Variants in RANBP2 observed in about 807,000 individuals in gnomAD.
The protein encoded by RANBP2 is RAN binding protein 2.
In RANBP2, 57 loss-of-function variants were observed where a neutral mutation model predicts 303.6. The ratio of observed to expected loss-of-function variants is 0.19; its 90% CI spans 0.15 to 0.23. The LOEUF (loss-of-function observed/expected upper bound fraction) is 0.23. Ranked by LOEUF, RANBP2 falls within the 10% of genes least tolerant of loss-of-function variation. The pLI is 1.00. For missense variants in RANBP2, 3,138 were observed against 3,780.8 expected (o/e 0.83, Z 4.46); for synonymous variants, 1,167 against 1,301.5 (o/e 0.90, Z 2.23).
the RANBP2 span, among the ~76,000 whole-genome samples, chr2:109,630,010 G>A: frequency 1.3e-5 from 2 of 151,838 alleles, no homozygotes; most frequent in Non-Finnish European, 2.9e-5. Context: ...AATACAACAC[G>A]CCCACACATA....
At chr2:108,881,002 C>A in the RANBP2 span, among the ~76,000 whole-genome samples, 1 of 152,156 alleles carries the variant, frequency 6.6e-6, no homozygotes, top group African/African-American at 2.4e-5. Context: ...TTCCAATACT[C>A]ACGAATGACT....
At chr2:109,702,124 G>C in the RANBP2 span, among the ~76,000 whole-genome samples, 1 of 152,250 alleles carries the variant, frequency 6.6e-6, no homozygotes, top group South Asian at 2.1e-4. Context: ...GATGTGGCAA[G>C]CTGGCCACCC....
chr2:109,626,687 G>T, the RANBP2 span, among the ~76,000 whole-genome samples: 1 of 152,142 alleles, frequency 6.6e-6, no homozygotes, highest in African/African-American at 2.4e-5. Flanking sequence ...TCCAGAAGCT[G>T]GTACATTTCT....
chr2:109,177,534 G>C, the RANBP2 span, among the ~76,000 whole-genome samples: 2 of 151,980 alleles, frequency 1.3e-5, no homozygotes, highest in Non-Finnish European at 2.9e-5. Flanking sequence ...TGGGGAGTGT[G>C]ACTGTCACCT....
At chr2:108,890,720 A>C in the RANBP2 span, among the ~76,000 whole-genome samples, 2 of 152,204 alleles carry the variant, frequency 1.3e-5, no homozygotes, top group African/African-American at 4.8e-5. Context: ...CTCTAGACTT[A>C]GGAAGTTTTC....
At chr2:108,840,364 G>C in the RANBP2 span, among the ~76,000 whole-genome samples, 1 of 152,110 alleles carries the variant, frequency 6.6e-6, no homozygotes, top group Non-Finnish European at 1.5e-5. Context: ...ATTGGGAAGG[G>C]TCTTATCCTT....
chr2:108,930,111 G>C, the RANBP2 span: 1 of 1,612,404 alleles, frequency 6.2e-7, no homozygotes, highest in South Asian at 1.1e-5. Context: ...AGGAGGGCTG[G>C]GTCCTTACCA....
chr2:109,494,358 C>T, the RANBP2 span, among the ~76,000 whole-genome samples: 3 of 152,180 alleles, frequency 2.0e-5, no homozygotes, highest in Non-Finnish European at 2.9e-5. Flanking sequence ...AAAAAACAGC[C>T]TGAAACCAAA....
the RANBP2 span, among the ~76,000 whole-genome samples, chr2:109,141,134 A>G: frequency 6.6e-6 from 1 of 152,066 alleles, no homozygotes; most frequent in Non-Finnish European, 1.5e-5. Flanking sequence ...GAAAGATGCA[A>G]CCACACCCCC....
chr2:109,230,691 G>C, the RANBP2 span, among the ~76,000 whole-genome samples: 1 of 152,172 alleles, frequency 6.6e-6, no homozygotes, highest in Non-Finnish European at 1.5e-5. Flanking sequence ...ATCGTAAGTC[G>C]GGGATCATCA....
chr2:108,857,971 C>G, the RANBP2 span, among the ~76,000 whole-genome samples: 1 of 152,164 alleles, frequency 6.6e-6, no homozygotes, highest in Non-Finnish European at 1.5e-5. Flanking sequence ...AATTGTGGTA[C>G]TGCAAATGCA....
chr2:108,842,895 A>T, the RANBP2 span, among the ~76,000 whole-genome samples: 1 of 152,184 alleles, frequency 6.6e-6, no homozygotes, highest in Non-Finnish European at 1.5e-5. Context: ...TACCGGTTTG[A>T]ATAAAGCACA....
chr2:108,779,125 T>G (rs1678071314), intron 25 of RANBP2, among the ~76,000 whole-genome samples: 1 of 151,990 alleles, frequency 6.6e-6, no homozygotes, highest in Non-Finnish European at 1.5e-5. Flanking sequence ...GCTTTTGTTC[T>G]CAGATCATTC....
chr2:109,624,699 C>G, the RANBP2 span, among the ~76,000 whole-genome samples: 3 of 152,184 alleles, frequency 2.0e-5, no homozygotes, highest in African/African-American at 7.2e-5. Flanking sequence ...GTTGAAGACA[C>G]ACATACTCTT....
chr2:109,097,079 G>A, the RANBP2 span, among the ~76,000 whole-genome samples: 1 of 152,138 alleles, frequency 6.6e-6, no homozygotes, highest in East Asian at 1.9e-4. Context: ...GCCGAGGTGG[G>A]CGGATCATGA....
chr2:109,232,273 A>G, the RANBP2 span, among the ~76,000 whole-genome samples: 1 of 152,236 alleles, frequency 6.6e-6, no homozygotes, highest in Admixed American at 6.5e-5. Context: ...TTGCCAACAC[A>G]TACTATGAAC....
chr2:109,327,399 A>G, the RANBP2 span, among the ~76,000 whole-genome samples: 1 of 152,188 alleles, frequency 6.6e-6, no homozygotes, highest in Non-Finnish European at 1.5e-5. Flanking sequence ...TGATTAAACT[A>G]TTCTTTTGTA....
the RANBP2 span, among the ~76,000 whole-genome samples, chr2:109,608,442 C>A: frequency 6.6e-6 from 1 of 152,166 alleles, no homozygotes; most frequent in East Asian, 1.9e-4. Flanking sequence ...TGATCTGATT[C>A]TTAAGGGAGG....
the RANBP2 span, among the ~76,000 whole-genome samples, chr2:108,995,207 C>G: frequency 6.6e-6 from 1 of 152,058 alleles, no homozygotes; most frequent in South Asian, 2.1e-4. Flanking sequence ...ATCACCTGTG[C>G]TGGAGTGAAG....
Sources: gnomAD v4.1 joint callset for allele counts (sites outside exome capture counted in the v4.1 genomes callset) on GRCh38, gnomAD v4.1.1 for gene constraint, MANE v1.5 for transcripts, NCBI Gene and HGNC (gene_info 2026-07-23, HGNC 2026-07-21) for gene names.